Variants in TUSC3 observed in about 807,000 individuals in gnomAD.
The protein encoded by TUSC3 is tumor suppressor candidate 3, also known as dolichyl-diphosphooligosaccharide--protein glycosyltransferase subunit TUSC3.
A neutral mutation model predicts 44.8 loss-of-function variants in TUSC3; 45 were observed. The ratio of observed to expected loss-of-function variants is 1.00; its 90% CI spans 0.79 to 1.29. The LOEUF (loss-of-function observed/expected upper bound fraction) is 1.29, where lower values mean the gene tolerates loss of function less well. TUSC3 is among the 50% of genes most tolerant of loss of function. TUSC3 has a pLI of 0.00. For missense variants in TUSC3, 519 were observed against 437.9 expected (o/e 1.19, Z -1.65); for synonymous variants, 212 against 152.9 (o/e 1.39, Z -2.85).
At chr8:15,762,928 A>C (rs991876471) in intron 10 of TUSC3, among the ~76,000 whole-genome samples, 1 of 152,020 alleles carries the variant, frequency 6.6e-6, no homozygotes, top group Non-Finnish European at 1.5e-5. Context: ...GGTCACCCTT[A>C]TCGTACGCTT....
At chr8:15,666,822 T>C (rs1317761984) in intron 5 of TUSC3, among the ~76,000 whole-genome samples, 2 of 151,544 alleles carry the variant, frequency 1.3e-5, no homozygotes, top group Non-Finnish European at 3.0e-5. Flanking sequence ...GAGTTAGTTA[T>C]GGTTTTTGCA....
chr8:15,451,644 T>A (rs1226115350), intron 1 of TUSC3, among the ~76,000 whole-genome samples: 1 of 152,052 alleles, frequency 6.6e-6, no homozygotes, highest in Non-Finnish European at 1.5e-5. Flanking sequence ...CCTCTTAGAA[T>A]AAAAGAGTAA....
At chr8:15,515,459 A>G (rs1029743649) in intron 2 of TUSC3, among the ~76,000 whole-genome samples, 3 of 152,118 alleles carry the variant, frequency 2.0e-5, no homozygotes, top group African/African-American at 7.2e-5. Context: ...TATAGTATGA[A>G]CAGTCATTCA....
chr8:15,572,830 T>C (rs1410876919), intron 1 of TUSC3, among the ~76,000 whole-genome samples: 3 of 152,106 alleles, frequency 2.0e-5, no homozygotes, highest in Non-Finnish European at 4.4e-5. Flanking sequence ...TGAATACACA[T>C]GACATTTATC....
At chr8:15,436,644 A>G (rs560888587) in intron 1 of TUSC3, among the ~76,000 whole-genome samples, 1 of 152,294 alleles carries the variant, frequency 6.6e-6, no homozygotes, top group Non-Finnish European at 1.5e-5. Flanking sequence ...CTTATTGACT[A>G]TGTATATAAA....
intron 6 of TUSC3, among the ~76,000 whole-genome samples, chr8:15,717,866 A>G (rs1810120210): frequency 6.6e-6 from 1 of 152,096 alleles, no homozygotes; most frequent in Admixed American, 6.6e-5. Flanking sequence ...TTCACATCAT[A>G]TTCTGCTAAA....
At chr8:15,850,248 A>G in the TUSC3 span, among the ~76,000 whole-genome samples, 1 of 152,088 alleles carries the variant, frequency 6.6e-6, no homozygotes, top group Non-Finnish European at 1.5e-5. Context: ...ATTATGTAAC[A>G]TTAGTATCCA....
chr8:15,465,573 A>T (rs1037448666), intron 1 of TUSC3, among the ~76,000 whole-genome samples: 8 of 152,224 alleles, frequency 5.3e-5, no homozygotes, highest in Admixed American at 4.6e-4. Flanking sequence ...ATAAAATGTG[A>T]TCAAAGTTTT....
At chr8:15,459,895 C>T (rs547225068) in intron 1 of TUSC3, among the ~76,000 whole-genome samples, 6 of 151,480 alleles carry the variant, frequency 4.0e-5, no homozygotes, top group African/African-American at 1.2e-4. Context: ...TACATACATA[C>T]ATACATACAC....
intron 1 of TUSC3, among the ~76,000 whole-genome samples, chr8:15,613,994 T>C (rs1167035984): frequency 1.4e-5 from 2 of 144,856 alleles, no homozygotes; most frequent in Non-Finnish European, 3.0e-5. Flanking sequence ...TATACATTTG[T>C]GAAGCTTCTG....
intron 2 of TUSC3, among the ~76,000 whole-genome samples, chr8:15,649,143 G>A (rs919164009): frequency 1.3e-5 from 2 of 151,996 alleles, no homozygotes; most frequent in African/African-American, 4.8e-5. Context: ...TTTTCTGATC[G>A]TTCTTTTAGA....
the TUSC3 span, among the ~76,000 whole-genome samples, chr8:15,797,375 C>A: frequency 6.6e-6 from 1 of 151,922 alleles, no homozygotes; most frequent in East Asian, 1.9e-4. Flanking sequence ...GCTTTGAGGT[C>A]TGATGAGACA....
chr8:15,718,938 A>G (rs1472936714), intron 6 of TUSC3, among the ~76,000 whole-genome samples: 1 of 152,102 alleles, frequency 6.6e-6, no homozygotes, highest in African/African-American at 2.4e-5. Context: ...GTACATATAT[A>G]TGTATATATT....
intron 2 of TUSC3, among the ~76,000 whole-genome samples, chr8:15,487,320 C>T (rs1220934154): frequency 5.3e-5 from 8 of 152,090 alleles, no homozygotes; most frequent in Non-Finnish European, 8.8e-5. Context: ...AGATTTGTCT[C>T]GTGATTTATT....
At chr8:15,746,184 G>A (rs1811406354) in intron 8 of TUSC3, among the ~76,000 whole-genome samples, 1 of 151,968 alleles carries the variant, frequency 6.6e-6, no homozygotes, top group Non-Finnish European at 1.5e-5. Flanking sequence ...TAAGAAATTT[G>A]TAGTAAATTT....
At chr8:15,713,406 C>T (rs1400145664) in intron 6 of TUSC3, among the ~76,000 whole-genome samples, 1 of 152,046 alleles carries the variant, frequency 6.6e-6, no homozygotes, top group African/African-American at 2.4e-5. Flanking sequence ...CAAAAGAAAG[C>T]TGACAATAAA....
At chr8:15,842,004 C>A in the TUSC3 span, among the ~76,000 whole-genome samples, 1 of 152,062 alleles carries the variant, frequency 6.6e-6, no homozygotes, top group Non-Finnish European at 1.5e-5. Context: ...TTAAACATAA[C>A]CTATATAATG....
intron 5 of TUSC3, among the ~76,000 whole-genome samples, chr8:15,670,838 A>G (rs1807915367): frequency 6.6e-6 from 1 of 151,948 alleles, no homozygotes; most frequent in African/African-American, 2.4e-5. Flanking sequence ...TCTTGACAAA[A>G]CAAGAATAAG....
At chr8:15,539,913 G>T (rs1801615342), upstream of TUSC3, among the ~76,000 whole-genome samples, 1 of 152,106 alleles carries the variant, frequency 6.6e-6, no homozygotes, top group Non-Finnish European at 1.5e-5. Flanking sequence ...GAAGAGCTGT[G>T]TTCCTAATAA....
Sources: allele counts gnomAD v4.1 joint callset (sites outside exome capture counted in the v4.1 genomes callset), GRCh38; gene constraint gnomAD v4.1.1; transcripts MANE v1.5; gene names NCBI Gene and HGNC (gene_info 2026-07-23, HGNC 2026-07-21).